METTL9: variants seen among roughly 807,000 people sequenced by gnomAD.
The protein encoded by METTL9 is methyltransferase 9, His-X-His N1(pi)-histidine, also known as protein-L-histidine N-pros-methyltransferase.
In METTL9, 10 loss-of-function variants were observed where a neutral mutation model predicts 36.0. The ratio of observed to expected loss-of-function variants is 0.28; its 90% CI spans 0.17 to 0.47. METTL9 has a LOEUF of 0.47. Ranked by LOEUF, METTL9 falls within the 20% of genes least tolerant of loss-of-function variation. The pLI is 0.99. For synonymous variants in METTL9, 175 were observed against 149.7 expected, an observed-to-expected ratio of 1.17 and a Z score of -1.23; for missense variants, 246 against 383.5, an observed-to-expected ratio of 0.64 and a Z score of 3.00.
At chr16:21,653,929 C>T (rs1252807402) in intron 4 of METTL9, 2 of 151,912 alleles carry the variant, frequency 1.3e-5, no homozygotes, top group South Asian at 4.2e-4. Flanking sequence ...TCATCTGCAC[C>T]ACTGAAAATT....
At chr16:21,613,108 G>T (rs138695710) in intron 2 of METTL9, among the ~76,000 whole-genome samples, 1 of 149,664 alleles carries the variant, frequency 6.7e-6, no homozygotes, top group East Asian at 2.0e-4. Context: ...GAATCACCTG[G>T]GGGTCTTGTT....
chr16:21,651,965 AT>A (rs1317225740), intron 4 of METTL9: 1 of 152,184 alleles, frequency 6.6e-6, no homozygotes, highest in African/African-American at 2.4e-5. Flanking sequence ...ATGAGAAAAA[AT>A]TAAGAACTTT....
intron 4 of METTL9, chr16:21,641,583 T>A: frequency 6.3e-7 from 1 of 1,579,964 alleles, no homozygotes; most frequent in Non-Finnish European, 8.7e-7. Context: ...ATAAGTGTTG[T>A]TATCTTTCTC....
chr16:21,652,588 G>C, intron 4 of METTL9: 1 of 1,609,942 alleles, frequency 6.2e-7, no homozygotes, highest in Non-Finnish European at 8.5e-7. Flanking sequence ...GCTTCTGCTC[G>C]CAGTCCCCAT....
chr16:21,652,462 A>G lies in METTL9; in HGVS notation c.752-2765A>G, dbSNP rs3091401. ...AAATTAATCTGAAGGAGCTTAAAAT[A>G]TAAATGCATTAGGTGAAAAATAGCA... is the stretch of plus-strand genomic sequence containing the variant. On this transcript the variant is annotated intron_variant, in intron 4 of 4. Transcript: ENST00000358154. 1,789 of 1,215,632 alleles carry G rather than the reference A, an allele frequency of 1.5e-3. 2 individuals are homozygous for G. Among genetic ancestry groups the G allele is most frequent in the Non-Finnish European group, 1.4e-3 (1,163 of 836,984 alleles). The allele number at this position is 1,215,632 out of a possible 1,614,324, so 75.3% of individuals were successfully genotyped here.
chr16:21,621,357 C>G (rs934423679), intron 3 of METTL9, among the ~76,000 whole-genome samples: 1 of 151,108 alleles, frequency 6.6e-6, no homozygotes, highest in Admixed American at 6.6e-5. Context: ...GACAAAGTCT[C>G]GCTCCATCAC....
At chr16:21,643,648 A>G (rs760323971) in intron 4 of METTL9, 6 of 1,249,188 alleles carry the variant, frequency 4.8e-6, no homozygotes, top group Non-Finnish European at 7.0e-6. Flanking sequence ...TACTCATAAC[A>G]ATGGTGGCAG....
chr16:21,629,499 C>A (rs949698240), intron 4 of METTL9, among the ~76,000 whole-genome samples: 1 of 152,156 alleles, frequency 6.6e-6, no homozygotes, highest in Non-Finnish European at 1.5e-5. Flanking sequence ...TCTCTGACTT[C>A]AGGAATGAAG....
At chr16:21,617,774 G>T in intron 2 of METTL9, 91 bp from the exon 3 acceptor site, 1 of 1,103,854 alleles carries the variant, frequency 9.1e-7, no homozygotes, top group Non-Finnish European at 1.4e-6. Context: ...TATGGTTGTT[G>T]GTGCTGAGTC....
At chr16:21,629,047 C>T (rs1191343505) in intron 4 of METTL9, among the ~76,000 whole-genome samples, 1 of 151,834 alleles carries the variant, frequency 6.6e-6, no homozygotes, top group African/African-American at 2.4e-5. Flanking sequence ...ATGTGTGCCA[C>T]CACACCCGGC....
At chr16:21,640,264 C>T (rs1360601380) in intron 4 of METTL9, 1 of 150,978 alleles carries the variant, frequency 6.6e-6, no homozygotes, top group Non-Finnish European at 1.5e-5. Context: ...ATGAAATAAA[C>T]ATAGTAGGTT....
intron 4 of METTL9, chr16:21,641,326 T>C (rs955002427): frequency 5.2e-6 from 2 of 385,266 alleles, no homozygotes; most frequent in Non-Finnish European, 9.3e-6. Context: ...ATTTGGAAGG[T>C]ATTTTTCAGT....
chr16:21,597,447 T>C (rs1964972819), upstream of METTL9: 1 of 469,230 alleles, frequency 2.1e-6, no homozygotes, highest in Non-Finnish European at 3.6e-6. Context: ...ATGAGTGATT[T>C]ATTTTTCTAG....
rs1351902752 is a variant in METTL9 at position 21,656,554 on chromosome 16, A to G, written c.*1122A>G. 2 of 152,200 alleles carry G rather than the reference A, an allele frequency of 1.3e-5. No homozygotes were observed. The highest frequency in any genetic ancestry group is 4.8e-5 in the African/African-American group (2 of 41,448). 9.4% of individuals were successfully genotyped at this position (152,200 alleles called of 1,614,324 possible). On this transcript the variant is annotated 3_prime_UTR_variant, in exon 5 of 5. Coordinates refer to ENST00000358154, the MANE Select transcript of METTL9 (RefSeq NM_016025.5). ...GAACCCATTAGCAAGATCAATAACCATCGTGGATATTCCAAAGAGCAGAGC... is the reference window on the plus strand; with the variant it reads ...GAACCCATTAGCAAGATCAATAACCGTCGTGGATATTCCAAAGAGCAGAGC...
chr16:21,628,624 G>A (rs537797298), intron 4 of METTL9, among the ~76,000 whole-genome samples: 14 of 152,198 alleles, frequency 9.2e-5, no homozygotes, highest in Non-Finnish European at 4.4e-5. Context: ...CTCCTGAGTA[G>A]CTGGGACTAC....
chr16:21,641,727 A>G (rs765597622), intron 4 of METTL9: 22 of 486,250 alleles, frequency 4.5e-5, no homozygotes, highest in Non-Finnish European at 5.5e-5. Flanking sequence ...CTTAAAGGCC[A>G]GATTACCGTT....
At chr16:21,652,517 G>A in intron 4 of METTL9, 1 of 1,598,906 alleles carries the variant, frequency 6.3e-7, no homozygotes, top group Non-Finnish European at 8.5e-7. Flanking sequence ...AGGAGGAGAA[G>A]AAAAAGAACC....
chr16:21,604,168 G>T (rs1222088202), intron 1 of METTL9, among the ~76,000 whole-genome samples: 1 of 152,144 alleles, frequency 6.6e-6, no homozygotes, highest in East Asian at 1.9e-4. Flanking sequence ...AACTGCCTTC[G>T]AGAGTCTGGA....
intron 3 of METTL9, among the ~76,000 whole-genome samples, chr16:21,622,537 G>T (rs2152895537): frequency 6.6e-6 from 1 of 152,198 alleles, no homozygotes; most frequent in African/African-American, 2.4e-5. Flanking sequence ...CTCATTCTAG[G>T]TTTAGAAATA....
Sources: allele counts gnomAD v4.1 joint callset (sites outside exome capture counted in the v4.1 genomes callset), GRCh38; gene constraint gnomAD v4.1.1; transcripts MANE v1.5; gene names NCBI Gene and HGNC (gene_info 2026-07-23, HGNC 2026-07-21).